Variants in DNAH7 observed in about 807,000 individuals in gnomAD.
The protein encoded by DNAH7 is dynein axonemal heavy chain 7.
DNAH7 carries 397 observed loss-of-function variants against 444.6 expected under a neutral mutation model. The ratio of observed to expected loss-of-function variants is 0.89; its 90% CI spans 0.82 to 0.97. The LOEUF (loss-of-function observed/expected upper bound fraction) is 0.97. DNAH7 is among the 50% of genes least tolerant of loss of function. DNAH7 has a pLI of 0.00. For missense variants in DNAH7, 4,902 were observed against 4,800.8 expected (o/e 1.02, Z -0.62); for synonymous variants, 1,636 against 1,624.4 (o/e 1.01, Z -0.17).
chr2:195,922,062 A>G, intron 24 of DNAH7, 26 bp downstream of exon 24: 1 of 1,360,178 alleles, frequency 7.4e-7, no homozygotes, highest in Non-Finnish European at 1.1e-6. Context: ...GTTATTTCCA[A>G]TAGATCCTTA....
chr2:195,813,412 T>C (rs1490650128), intron 51 of DNAH7, among the ~76,000 whole-genome samples: 1 of 152,198 alleles, frequency 6.6e-6, no homozygotes, highest in Non-Finnish European at 1.5e-5. Flanking sequence ...AATGTCTTTC[T>C]CAAAGACCCA....
chr2:195,890,965 T>A (rs184993452), intron 31 of DNAH7, among the ~76,000 whole-genome samples: 2 of 152,340 alleles, frequency 1.3e-5, no homozygotes, highest in East Asian at 3.9e-4. Flanking sequence ...TACTACCAGC[T>A]TTAGCAAGCT....
At chr2:195,747,018 G>C (rs1200499991) in intron 63 of DNAH7, among the ~76,000 whole-genome samples, 1 of 151,932 alleles carries the variant, frequency 6.6e-6, no homozygotes, top group Non-Finnish European at 1.5e-5. Flanking sequence ...GAAGGAAATA[G>C]AGACACAAAA....
Position 195,796,670 on chromosome 2 carries a change from A to G in DNAH7, c.10421T>C (p.Met3474Thr), listed in dbSNP as rs747400076. The G allele has an allele frequency of 1.2e-6, 2 of 1,614,172 alleles. No individual in the cohort carries two copies. Among genetic ancestry groups the G allele is most frequent in the Admixed American group, 3.3e-5 (2 of 60,028 alleles). ...GQGQGPIAMK[M>T]LEKAVKEGTW... ...TCCTTCCTTGACAGCTTTTTCTAACATCTTCATAGCAATGGGCCCTTGGCC... is the reference window on the plus strand; with the variant it reads ...TCCTTCCTTGACAGCTTTTTCTAACGTCTTCATAGCAATGGGCCCTTGGCC... The change falls in exon 56 of 65, where the codon ATG becomes ACG. Residue 3474 changes from methionine (M) to threonine (T), a missense_variant. Met to Thr is a moderately conservative substitution (Grantham distance 81). Transcript: ENST00000312428.
chr2:195,861,838 T>C lies in DNAH7; in HGVS notation c.7615A>G (p.Thr2539Ala). The C allele has an allele frequency of 6.2e-7, 1 of 1,613,634 alleles. No individual in the cohort carries two copies. The highest frequency in any genetic ancestry group is 8.5e-7 in the Non-Finnish European group (1 of 1,179,544). ...GCIDMCKSFH[T>A]STIDLSKSFF... ...GATTTGGATAAATCTATAGTAGAAG[T>C]GTGGAAGCTTTTACACATGTCGATA... Residue 2539 changes from threonine (T) to alanine (A), a missense_variant, in exon 42 of 65, where the codon ACT becomes GCT. Thr to Ala is a moderately conservative substitution (Grantham distance 58, BLOSUM62 0). Transcript: ENST00000312428.
intron 10 of DNAH7, among the ~76,000 whole-genome samples, chr2:196,012,269 C>T (rs1575018014): frequency 2.0e-5 from 3 of 152,224 alleles, no homozygotes; most frequent in Non-Finnish European, 4.4e-5. Flanking sequence ...TATGAATTAT[C>T]ATATGTGGCT....
chr2:195,872,503 T>C, intron 39 of DNAH7, 34 bp from the exon 40 acceptor site: 2 of 1,426,404 alleles, frequency 1.4e-6, no homozygotes, highest in Non-Finnish European at 1.9e-6. Context: ...GAAAGGAAAA[T>C]GTTAGCAATT....
chr2:195,883,449 G>GCCCCCC (rs1203503298), intron 35 of DNAH7, among the ~76,000 whole-genome samples: 4 of 135,866 alleles, frequency 2.9e-5, no homozygotes, highest in African/African-American at 1.4e-4. Flanking sequence ...CTCAGTCCCC[G>GCCCCCC]CTCCCCCCCC....
chr2:195,968,336 C>A (rs545666416), intron 17 of DNAH7, among the ~76,000 whole-genome samples: 2 of 152,032 alleles, frequency 1.3e-5, no homozygotes, highest in African/African-American at 4.8e-5. Context: ...ATGAATCCTG[C>A]CAGGATTGTG....
intron 21 of DNAH7, among the ~76,000 whole-genome samples, chr2:195,933,101 G>A (rs1294327245): frequency 6.6e-6 from 1 of 152,162 alleles, no homozygotes; most frequent in East Asian, 1.9e-4. Context: ...TTCAGAGGCT[G>A]TTATTGGTCT....
intron 24 of DNAH7, among the ~76,000 whole-genome samples, chr2:195,917,301 C>A (rs1401270705): frequency 6.6e-6 from 1 of 152,002 alleles, no homozygotes; most frequent in East Asian, 1.9e-4. Flanking sequence ...TATATGATCT[C>A]CTAGGGACAT....
At chr2:195,939,258 T>C (rs1478141381) in intron 19 of DNAH7, among the ~76,000 whole-genome samples, 4 of 152,068 alleles carry the variant, frequency 2.6e-5, no homozygotes, top group South Asian at 2.1e-4. Context: ...AAATGAAGCA[T>C]TTACATCACT....
At chr2:195,867,183 A>G (rs976046727) in intron 40 of DNAH7, among the ~76,000 whole-genome samples, 1 of 152,196 alleles carries the variant, frequency 6.6e-6, no homozygotes, top group Non-Finnish European at 1.5e-5. Context: ...CCATGTAACC[A>G]CCACCAAGAT....
intron 8 of DNAH7, among the ~76,000 whole-genome samples, chr2:196,024,015 C>T (rs1396776741): frequency 1.3e-5 from 2 of 152,104 alleles, no homozygotes; most frequent in African/African-American, 4.8e-5. Flanking sequence ...CAGTTTGTGG[C>T]TTTCCAAGAT....
At chr2:195,925,566 A>G (rs1574788064) in intron 22 of DNAH7, among the ~76,000 whole-genome samples, 1 of 152,158 alleles carries the variant, frequency 6.6e-6, no homozygotes, top group Non-Finnish European at 1.5e-5. Context: ...TTTACACCCT[A>G]TTCCTTCTTG....
At chr2:196,005,385 T>A (rs1046754970) in intron 10 of DNAH7, among the ~76,000 whole-genome samples, 1 of 151,280 alleles carries the variant, frequency 6.6e-6, no homozygotes, top group African/African-American at 2.4e-5. Flanking sequence ...AACAAAAAAA[T>A]ATTGAATAGA....
intron 12 of DNAH7, among the ~76,000 whole-genome samples, chr2:195,998,069 T>C (rs748841520): frequency 6.6e-6 from 1 of 152,232 alleles, no homozygotes; most frequent in Non-Finnish European, 1.5e-5. Flanking sequence ...TGATAATCCA[T>C]ACGGTTTCAG....
chr2:195,867,952 A>G (rs904220855), intron 40 of DNAH7, among the ~76,000 whole-genome samples: 1 of 152,138 alleles, frequency 6.6e-6, no homozygotes, highest in Non-Finnish European at 1.5e-5. Flanking sequence ...TAGGAGTGGA[A>G]CTGCTAGGTC....
chr2:195,912,706 T>C (rs1289398512), intron 24 of DNAH7, among the ~76,000 whole-genome samples: 1 of 152,200 alleles, frequency 6.6e-6, no homozygotes, highest in Non-Finnish European at 1.5e-5. Flanking sequence ...AAGACATCAC[T>C]ATACAGCCAA....
Sources: allele counts gnomAD v4.1 joint callset (sites outside exome capture counted in the v4.1 genomes callset), GRCh38; gene constraint gnomAD v4.1.1; transcripts MANE v1.5; gene names NCBI Gene and HGNC (gene_info 2026-07-23, HGNC 2026-07-21).